The following PLXDC1 variants were observed in gnomAD, a reference collection of about 807,000 sequenced individuals.
PLXDC1 encodes plexin domain containing 1.
PLXDC1 carries 39 observed loss-of-function variants against 61.3 expected under a neutral mutation model. The ratio of observed to expected loss-of-function variants is 0.64; its 90% CI spans 0.49 to 0.83. The LOEUF is 0.83. PLXDC1 is among the 40% of genes least tolerant of loss of function. PLXDC1 has a pLI of 0.00. For missense variants in PLXDC1, 596 were observed against 666.5 expected, an observed-to-expected ratio of 0.89 and a Z score of 1.17; for synonymous variants, 212 against 254.5, an observed-to-expected ratio of 0.83 and a Z score of 1.59.
chr17:39,134,208 C>T (rs1231528394), intron 2 of PLXDC1, among the ~76,000 whole-genome samples: 5 of 150,602 alleles, frequency 3.3e-5, no homozygotes, highest in African/African-American at 9.8e-5. Flanking sequence ...GAACCGAGAT[C>T]GTGCCACTGC....
At chr17:39,136,895 A>C (rs777173409) in intron 2 of PLXDC1, among the ~76,000 whole-genome samples, 25 of 152,348 alleles carry the variant, frequency 1.6e-4, no homozygotes, top group South Asian at 4.1e-4. Flanking sequence ...TGCAAAAGAG[A>C]CGCACAGCAG....
intron 8 of PLXDC1, among the ~76,000 whole-genome samples, chr17:39,087,278 G>A (rs768197064): frequency 9.8e-5 from 15 of 152,308 alleles, no homozygotes; most frequent in East Asian, 1.9e-4. Context: ...CAGTCTAGGC[G>A]TTCTCAGAGG....
intron 11 of PLXDC1, among the ~76,000 whole-genome samples, chr17:39,075,138 T>A (rs1909275964): frequency 6.6e-6 from 1 of 152,164 alleles, no homozygotes; most frequent in Non-Finnish European, 1.5e-5. Context: ...TTTTGATTTT[T>A]TGTAGAGACA....
rs571103803 is a variant in PLXDC1, at chr17:39,140,130, G to C, written c.77-298C>G. Among the ~76,000 whole-genome samples the C allele has an allele frequency of 3.9e-5, 6 of 152,288 alleles. No individual in the cohort carries two copies. The East Asian group carries it at 1.2e-3, about 29-fold the overall frequency. On this transcript the variant is annotated intron_variant, in intron 1 of 13. Coordinates refer to ENST00000315392, the MANE Select transcript of PLXDC1 (RefSeq NM_020405.5). ...TCAGAGGTTAAAAGTCACGCAGTGGGTTAGGCATGCAGGTAAGTTTCAAAC... is the reference window on the plus strand; with the variant it reads ...TCAGAGGTTAAAAGTCACGCAGTGGCTTAGGCATGCAGGTAAGTTTCAAAC...
At chr17:39,076,160 CATAACCCTGA>C (rs1909326968) in intron 11 of PLXDC1, among the ~76,000 whole-genome samples, 1 of 151,600 alleles carries the variant, frequency 6.6e-6, no homozygotes, top group South Asian at 2.1e-4. Context: ...TTACCCCTCC[CATAACCCTGA>C]ATAACCTACT....
At chr17:39,073,955 T>C (rs879670368) in intron 11 of PLXDC1, among the ~76,000 whole-genome samples, 1 of 152,178 alleles carries the variant, frequency 6.6e-6, no homozygotes, top group Non-Finnish European at 1.5e-5. Flanking sequence ...CCAGGCCCCA[T>C]GTCTCCCACT....
rs747784329 is a variant in PLXDC1 at position 39,139,665 on chromosome 17, T to C, written c.244A>G (p.Thr82Ala). 24 of 1,608,060 alleles carry C rather than the reference T, an allele frequency of 1.5e-5. 1 individual carries two copies. The South Asian group carries it at 2.6e-4, about 18-fold the overall frequency. Residue 82 changes from threonine to alanine, a missense_variant, in exon 2 of 14, where the codon ACC becomes GCC. Transcript: ENST00000315392. ...LAMDTLPDNR[T>A]RVVEDNHSYY... Reference sequence around the variant, plus strand: ...CCTCCAGCACTCACCACCACCCTGGTCCTGTTATCTGGCAGCGTGTCCATG... The same window carrying C: ...CCTCCAGCACTCACCACCACCCTGGCCCTGTTATCTGGCAGCGTGTCCATG...
At chr17:39,143,694 A>G (rs1224106362) in intron 1 of PLXDC1, among the ~76,000 whole-genome samples, 1 of 152,210 alleles carries the variant, frequency 6.6e-6, no homozygotes, top group Non-Finnish European at 1.5e-5. Context: ...GCTGGCGCCT[A>G]CTGGACCCTT....
chr17:39,128,173 G>GTA (rs988152017), intron 2 of PLXDC1, among the ~76,000 whole-genome samples: 2 of 89,056 alleles, frequency 2.2e-5, no homozygotes, highest in Non-Finnish European at 4.9e-5. Context: ...GTATATATAT[G>GTA]TATATATATA....
In PLXDC1 at chr17:39,151,341, G is replaced by A; in HGVS notation, c.76+21C>T. On this transcript the variant is annotated intron_variant, in intron 1 of 13. Transcript: ENST00000315392. The surrounding 1 kb of genome is among the most constrained non-coding windows in gnomAD (Gnocchi z 5.2). Reference sequence around the variant, plus strand: ...CCCTCCCCGCCCCCGGCCCACCCGGGCCGGCTCCCGCCAGTCCTACCTGCT... The same window carrying A: ...CCCTCCCCGCCCCCGGCCCACCCGGACCGGCTCCCGCCAGTCCTACCTGCT... The A allele has an allele frequency of 7.9e-7, 1 of 1,272,018 alleles. No homozygotes were observed. The highest frequency in any genetic ancestry group is 9.9e-7 in the Non-Finnish European group (1 of 1,008,434). 78.8% of individuals were successfully genotyped at this position (1,272,018 alleles called of 1,614,324 possible). A position where few individuals can be genotyped will look rare whatever the true frequency, so the allele number is the denominator to read the frequency against.
At chr17:39,118,103 TTCCTTC>T (rs1911046525) in intron 2 of PLXDC1, among the ~76,000 whole-genome samples, 1 of 129,218 alleles carries the variant, frequency 7.7e-6, no homozygotes, top group African/African-American at 2.9e-5. Flanking sequence ...CCTTCCTTCC[TTCCTTC>T]CTCTCTCTCT....
chr17:39,104,776 T>C (rs1910537744), intron 7 of PLXDC1, among the ~76,000 whole-genome samples: 1 of 147,044 alleles, frequency 6.8e-6, no homozygotes, highest in South Asian at 2.3e-4. Flanking sequence ...GAGCAAGACT[T>C]TGTTTAAAAA....
intron 2 of PLXDC1, among the ~76,000 whole-genome samples, chr17:39,128,125 A>ATGTGTATATATATATATATATATG (rs1911396833): frequency 2.7e-5 from 1 of 36,734 alleles, no homozygotes; most frequent in Non-Finnish European, 5.5e-5. Flanking sequence ...GTATATATAT[A>ATGTGTATATATATATATATATATG]TGTGTATATA....
intron 7 of PLXDC1, among the ~76,000 whole-genome samples, chr17:39,100,199 C>A (rs779367381): frequency 7.8e-4 from 119 of 152,306 alleles, no homozygotes; most frequent in Non-Finnish European, 1.3e-3. Context: ...CCCCACCTGC[C>A]ACCCCATCAC....
chr17:39,134,033 G>A (rs1450507474), intron 2 of PLXDC1, among the ~76,000 whole-genome samples: 1 of 152,062 alleles, frequency 6.6e-6, no homozygotes, highest in Non-Finnish European at 1.5e-5. Context: ...CAAGGTGGGT[G>A]GATCACGAGG....
At chr17:39,087,750 G>A in intron 7 of PLXDC1, 48 bp from the exon 8 acceptor site, 1 of 1,395,300 alleles carries the variant, frequency 7.2e-7, no homozygotes, top group East Asian at 2.3e-5. Flanking sequence ...ACAGGCAGAG[G>A]GCATCGAGGC....
intron 2 of PLXDC1, among the ~76,000 whole-genome samples, chr17:39,109,844 T>C (rs963055055): frequency 1.3e-5 from 2 of 152,086 alleles, no homozygotes; most frequent in African/African-American, 4.8e-5. Context: ...CCCTATTTAA[T>C]GGAAAAGGAA....
At chr17:39,132,672 T>G (rs577478737) in intron 2 of PLXDC1, among the ~76,000 whole-genome samples, 1 of 152,166 alleles carries the variant, frequency 6.6e-6, no homozygotes, top group African/African-American at 2.4e-5. Context: ...GCAGAGGCAC[T>G]GGGCAGAGAG....
intron 11 of PLXDC1, among the ~76,000 whole-genome samples, chr17:39,073,533 C>T (rs1036913068): frequency 3.9e-5 from 6 of 152,210 alleles, no homozygotes; most frequent in South Asian, 2.1e-4. Flanking sequence ...GACACAGTGC[C>T]GCCCACTGCC....
Sources: gnomAD v4.1 joint callset for allele counts (sites outside exome capture counted in the v4.1 genomes callset) on GRCh38, gnomAD v4.1.1 for gene constraint, Gnocchi (gnomAD v3.1) non-coding constraint, MANE v1.5 for transcripts, NCBI Gene and HGNC (gene_info 2026-07-23, HGNC 2026-07-21) for gene names.